The following FAM193A variants were observed in gnomAD, a reference collection of about 807,000 sequenced individuals.
The protein encoded by FAM193A is protein FAM193A.
A neutral mutation model predicts 126.5 loss-of-function variants in FAM193A; 22 were observed. The observed-to-expected ratio is 0.17, with a 90% CI of 0.12 to 0.25. The LOEUF (loss-of-function observed/expected upper bound fraction) is 0.25. Among genes scored for constraint, FAM193A ranks in the 10% least tolerant of loss-of-function variants. The pLI is 1.00. For missense variants in FAM193A, 1,675 were observed against 1,672.8 expected, an observed-to-expected ratio of 1.00 and a Z score of -0.02; for synonymous variants, 761 against 646.8, an observed-to-expected ratio of 1.18 and a Z score of -2.68.
At position 2,663,246 on chromosome 4, in the gene FAM193A, G is replaced by C; in HGVS notation, c.2037G>C (p.Glu679Asp). ...VLGSRSPRTE[E>D]SKADSPPPSY... ...GAAGCAGGAGCCCCAGGACAGAGGA[G>C]AGCAAAGCAGACAGTCCACCCCCAT... is the stretch of plus-strand genomic sequence containing the variant. Residue 679 changes from glutamate (E) to aspartate (D), a missense_variant, in exon 12 of 21, where the codon GAG (glutamate) becomes GAC (aspartate). Glu to Asp is a conservative substitution (Grantham distance 45). Around this residue, in one of 4 missense-constraint regions of FAM193A, gnomAD observed 1,186 missense variants for 1,109.2 expected, o/e 1.07. Transcript: ENST00000637812. 1 of 1,612,668 alleles carries C rather than the reference G, an allele frequency of 6.2e-7. No individual in the cohort carries two copies. The highest frequency in any genetic ancestry group is 8.5e-7 in the Non-Finnish European group (1 of 1,179,582).
At chr4:2,598,907 G>GACTCCTTGGCAGGAACCCTTCCTTTTCCT (rs1741028363) in intron 2 of FAM193A, among the ~76,000 whole-genome samples, 1 of 152,214 alleles carries the variant, frequency 6.6e-6, no homozygotes, top group South Asian at 2.1e-4. Flanking sequence ...GGGCAGCTCT[G>GACTCCTTGGCAGGAACCCTTCCTTTTCCT]TGCTCACGGC....
intron 7 of FAM193A, chr4:2,654,832 C>T: frequency 2.7e-6 from 1 of 364,112 alleles, no homozygotes; most frequent in South Asian, 9.2e-5. Context: ...GCTGCTATGA[C>T]CGGCATCTTG....
intron 1 of FAM193A, among the ~76,000 whole-genome samples, chr4:2,571,473 C>G (rs1453771154): frequency 6.6e-6 from 1 of 151,790 alleles, no homozygotes; most frequent in East Asian, 1.9e-4. Flanking sequence ...GGTAGAAGTC[C>G]TATTTTATTT....
In FAM193A at chr4:2,617,266, T is replaced by A. The variant is rs201371308; in HGVS notation, c.502-7996T>A. ...TATATATATATATATATATATATTT[T>A]TTTTTTTTTTTTTTTTTTGAGATGG... On this transcript the variant is annotated intron_variant, in intron 2 of 20. Transcript: ENST00000637812. Among the ~76,000 whole-genome samples, 7 of 33,418 alleles carry A rather than the reference T, an allele frequency of 2.1e-4. No individual in the cohort carries two copies. In the South Asian group the frequency reaches 2.6e-3, roughly 13 times the overall value. 21.9% of individuals were successfully genotyped at this position (33,418 alleles called of 152,430 possible).
intron 4 of FAM193A, among the ~76,000 whole-genome samples, chr4:2,627,818 C>T (rs1181807256): frequency 1.3e-5 from 2 of 151,698 alleles, no homozygotes; most frequent in Non-Finnish European, 2.9e-5. Context: ...TCTGGGCTCA[C>T]TGCAAGCTCT....
chr4:2,685,595 G>A (rs1459063320), intron 13 of FAM193A, among the ~76,000 whole-genome samples: 1 of 152,188 alleles, frequency 6.6e-6, no homozygotes, highest in Admixed American at 6.6e-5. Flanking sequence ...AACCTGTTAA[G>A]CAGAAATACA....
chr4:2,710,213 C>T lies in FAM193A; in HGVS notation c.4373-5810C>T, dbSNP rs528745690. Among the ~76,000 whole-genome samples the T allele has an allele frequency of 3.2e-5, 4 of 123,120 alleles. 1 individual carries two copies. The South Asian group carries it at 8.1e-4, about 25-fold the overall frequency. The allele number at this position is 123,120 out of a possible 152,430, so 80.8% of individuals were successfully genotyped here. On this transcript the variant is annotated intron_variant, in intron 19 of 20. Transcript: ENST00000637812. ...TTTTTGAGACAGAGTCTCGCTCTGTCCCCCAGGCTGGCGTGCAGTGGCGTG... is the reference window on the plus strand; with the variant it reads ...TTTTTGAGACAGAGTCTCGCTCTGTTCCCCAGGCTGGCGTGCAGTGGCGTG...
intron 2 of FAM193A, among the ~76,000 whole-genome samples, chr4:2,602,892 C>T (rs538969688): frequency 1.3e-5 from 2 of 148,756 alleles, no homozygotes; most frequent in African/African-American, 5.0e-5. Context: ...GATCTCCTGA[C>T]CTTGTGATCC....
chr4:2,598,600 CTG>C (rs1741006477), intron 2 of FAM193A, among the ~76,000 whole-genome samples: 1 of 152,180 alleles, frequency 6.6e-6, no homozygotes, highest in Non-Finnish European at 1.5e-5. Flanking sequence ...TTCTGGAAGA[CTG>C]TGTTAGAATT....
chr4:2,552,805 G>A (rs1738016635), intron 1 of FAM193A, among the ~76,000 whole-genome samples: 1 of 151,452 alleles, frequency 6.6e-6, no homozygotes, highest in Admixed American at 6.6e-5. Flanking sequence ...CCAGAGTGCT[G>A]GGATTACAGG....
intron 19 of FAM193A, among the ~76,000 whole-genome samples, chr4:2,706,471 T>G (rs1022736690): frequency 6.6e-6 from 1 of 151,776 alleles, no homozygotes; most frequent in Non-Finnish European, 1.5e-5. Context: ...TAATTTTATA[T>G]TTTTAGTAGA....
At chr4:2,675,440 A>C (rs1029184577) in intron 13 of FAM193A, among the ~76,000 whole-genome samples, 1 of 152,226 alleles carries the variant, frequency 6.6e-6, no homozygotes, top group Non-Finnish European at 1.5e-5. Context: ...TATTAGCGGC[A>C]CACACATTGA....
chr4:2,663,214 G>A lies in FAM193A; in HGVS notation c.2005G>A (p.Val669Met), dbSNP rs970825172. 1 of 1,614,134 alleles carries A rather than the reference G, an allele frequency of 6.2e-7. No homozygotes were observed. Among genetic ancestry groups the A allele is most frequent in the South Asian group, 1.1e-5 (1 of 91,086 alleles). The part of the protein sequence containing the change: ...EPPGAPKEDG[V>M]LGSRSPRTEE... ...CCCAGGGGCCCCGAAGGAAGATGGA[G>A]TGCTGGGAAGCAGGAGCCCCAGGAC... Residue 669 changes from valine (V) to methionine (M), a missense_variant, in exon 12 of 21, where the codon GTG becomes ATG. Val to Met is a conservative substitution (Grantham distance 21). This residue lies in a region of FAM193A where 1,186 missense variants were observed against 1,109.2 expected (regional missense o/e 1.07). Transcript: ENST00000637812.
chr4:2,697,304 C>T lies in FAM193A; in HGVS notation c.3507+711C>T, dbSNP rs147841623. 9.1e-3 allele frequency among the ~76,000 whole-genome samples: 1,373 copies of T among 151,394 alleles called. 17 individuals carry two copies. The highest frequency in any genetic ancestry group is 0.032 in the African/African-American group (1,316 of 41,192). ...CTCAGAGGTGGAGGTTGCAGTGAGC[C>T]GAGATTATGCCACTGCCCTCCAGCC... On this transcript the variant is annotated intron_variant, in intron 18 of 20. Coordinates refer to ENST00000637812, the MANE Select transcript of FAM193A (RefSeq NM_001366318.2).
chr4:2,557,999 G>T (rs559834606), intron 1 of FAM193A, among the ~76,000 whole-genome samples: 2 of 151,632 alleles, frequency 1.3e-5, no homozygotes, highest in East Asian at 3.9e-4. Flanking sequence ...AAGGCTGGGC[G>T]CTATGGCTCA....
chr4:2,560,999 CTT>C (rs1296305240), intron 1 of FAM193A, among the ~76,000 whole-genome samples: 1 of 152,160 alleles, frequency 6.6e-6, no homozygotes, highest in African/African-American at 2.4e-5. Flanking sequence ...CTTTCTAGAA[CTT>C]TCTTTGCCTT....
intron 2 of FAM193A, among the ~76,000 whole-genome samples, chr4:2,601,611 C>G (rs909289030): frequency 6.6e-6 from 1 of 151,086 alleles, no homozygotes; most frequent in African/African-American, 2.4e-5. Context: ...CAGTTTTGGC[C>G]CAGCACAGTG....
chr4:2,560,001 C>G (rs1738514145), intron 1 of FAM193A, among the ~76,000 whole-genome samples: 1 of 151,754 alleles, frequency 6.6e-6, no homozygotes, highest in Non-Finnish European at 1.5e-5. Context: ...TCTTGTTGCC[C>G]AGGCTGGAGT....
At chr4:2,686,021 G>C (rs1270035872) in intron 13 of FAM193A, among the ~76,000 whole-genome samples, 3 of 152,190 alleles carry the variant, frequency 2.0e-5, no homozygotes, top group African/African-American at 7.2e-5. Context: ...TTCTGAGAGA[G>C]TTACTTTACA....
Sources: gnomAD v4.1 joint callset for allele counts (sites outside exome capture counted in the v4.1 genomes callset) on GRCh38, gnomAD v4.1.1 for gene constraint, gnomAD v4.1.1 regional missense constraint, MANE v1.5 for transcripts, NCBI Gene and HGNC (gene_info 2026-07-23, HGNC 2026-07-21) for gene names.